The following ART3 variants were observed in gnomAD, a reference collection of about 807,000 sequenced individuals.
The protein encoded by ART3 is ADP-ribosyltransferase 3 (inactive), also known as ecto-ADP-ribosyltransferase 3.
ART3 carries 49 observed loss-of-function variants against 48.5 expected under a neutral mutation model. That is an observed-to-expected ratio of 1.01 (90% CI 0.80 to 1.28). The LOEUF (loss-of-function observed/expected upper bound fraction) is 1.28. Ranked by LOEUF, ART3 falls within the 50% of genes most tolerant of loss-of-function variation. ART3 has a pLI of 0.00. For missense variants in ART3, 438 were observed against 454.3 expected (o/e 0.96, Z 0.33); for synonymous variants, 145 against 157.2 (o/e 0.92, Z 0.58).
intron 1 of ART3, among the ~76,000 whole-genome samples, chr4:76,040,599 A>T (rs1277733799): frequency 1.3e-5 from 2 of 150,562 alleles, no homozygotes; most frequent in African/African-American, 4.9e-5. Context: ...GAGAAAAAAA[A>T]ATTCTTCCTT....
At chr4:76,072,135 G>T (rs921710018), upstream of ART3, among the ~76,000 whole-genome samples, 3 of 152,084 alleles carry the variant, frequency 2.0e-5, no homozygotes, top group Non-Finnish European at 4.4e-5. Context: ...CCCAGGCTAG[G>T]ACTCCTGGCT....
chr4:76,105,390 G>A (rs1468395347), intron 10 of ART3: 2 of 819,580 alleles, frequency 2.4e-6, no homozygotes, highest in Non-Finnish European at 3.2e-6. Context: ...TCTGTAAAAT[G>A]AGGAAAGCTT....
chr4:76,061,197 C>A (rs1719182291), intron 1 of ART3, among the ~76,000 whole-genome samples: 1 of 152,152 alleles, frequency 6.6e-6, no homozygotes, highest in Non-Finnish European at 1.5e-5. Flanking sequence ...CTGGCTGGAA[C>A]CTCAAACTCA....
intron 3 of ART3, among the ~76,000 whole-genome samples, chr4:76,089,414 T>C (rs1020279103): frequency 1.4e-4 from 21 of 152,186 alleles, no homozygotes; most frequent in African/African-American, 4.3e-4. Context: ...GCTGTTATCA[T>C]GATAGAGTTC....
chr4:76,084,248 A>G (rs111324943), intron 3 of ART3, among the ~76,000 whole-genome samples: 13 of 151,840 alleles, frequency 8.6e-5, no homozygotes, highest in South Asian at 6.2e-4. Flanking sequence ...GAGATCTCCT[A>G]TTTCTTGGAT....
intron 1 of ART3, among the ~76,000 whole-genome samples, chr4:76,031,146 CTCT>C (rs965479668): frequency 2.0e-5 from 3 of 152,064 alleles, no homozygotes; most frequent in African/African-American, 7.2e-5. Flanking sequence ...GTGAATTATT[CTCT>C]TCTTAACTTC....
At chr4:76,040,438 A>ACACACACACACGCG (rs1553926414) in intron 1 of ART3, among the ~76,000 whole-genome samples, 5 of 64,530 alleles carry the variant, frequency 7.7e-5, no homozygotes, top group Non-Finnish European at 1.5e-4. Context: ...TACACTGGAT[A>ACACACACACACGCG]CACACACACA....
At chr4:76,100,403 C>G in intron 6 of ART3, 83 bp downstream of exon 6, 2 of 1,376,232 alleles carry the variant, frequency 1.5e-6, no homozygotes, top group South Asian at 1.2e-5. Flanking sequence ...GAGGCCGAGG[C>G]GGGAGGATCA....
chr4:76,100,492 G>A (rs187467338), intron 6 of ART3, among the ~76,000 whole-genome samples, 172 bp downstream of exon 6: 4 of 152,168 alleles, frequency 2.6e-5, no homozygotes, highest in South Asian at 2.1e-4. Context: ...TTAGCTGGGC[G>A]TGGTGGCACA....
At chr4:76,078,232 C>G (rs771231497) in intron 2 of ART3, among the ~76,000 whole-genome samples, 3 of 151,986 alleles carry the variant, frequency 2.0e-5, no homozygotes, top group Non-Finnish European at 2.9e-5. Flanking sequence ...ACAAAATACA[C>G]AATCAGCTAT....
rs895024492 is a variant in ART3 at position 76,064,968 on chromosome 4, A to T, written c.-9-10913A>T. Among the ~76,000 whole-genome samples, 5 of 152,106 alleles carry T rather than the reference A, an allele frequency of 3.3e-5. No individual in the cohort carries two copies. The East Asian group carries it at 9.7e-4, about 29-fold the overall frequency. On this transcript the variant is annotated intron_variant, in intron 1 of 9. Transcript: ENST00000341029. ...TGCCTCAGCGTCCTGAGTAGCTGGG[A>T]TTACAGGCACCTGCCACCATGCCTG...
chr4:76,073,374 A>G (rs904796791), upstream of ART3, among the ~76,000 whole-genome samples: 3 of 152,172 alleles, frequency 2.0e-5, no homozygotes, highest in Admixed American at 6.5e-5. Context: ...TTTTCTTTCT[A>G]ACCAAACTCC....
chr4:76,055,837 G>T (rs994571681), intron 1 of ART3, among the ~76,000 whole-genome samples: 1 of 152,198 alleles, frequency 6.6e-6, no homozygotes. Flanking sequence ...TCCCCATTGT[G>T]ATTTGTAGCA....
chr4:76,095,656 T>A (rs1407573780), intron 3 of ART3, among the ~76,000 whole-genome samples: 3 of 152,230 alleles, frequency 2.0e-5, no homozygotes, highest in Non-Finnish European at 4.4e-5. Context: ...GCAATAATAG[T>A]CCTGGCTATG....
At chr4:76,079,176 TAAAAAAA>T (rs35036561) in intron 2 of ART3, among the ~76,000 whole-genome samples, 1 of 130,874 alleles carries the variant, frequency 7.6e-6, no homozygotes, top group African/African-American at 2.9e-5. Context: ...TCATCTTTGT[TAAAAAAA>T]AAAAAAAAAA....
At chr4:76,040,442 A>ACACACACACGCACG (rs778439284) in intron 1 of ART3, among the ~76,000 whole-genome samples, 4 of 115,572 alleles carry the variant, frequency 3.5e-5, no homozygotes, top group South Asian at 2.8e-4. Flanking sequence ...CTGGATACAC[A>ACACACACACGCACG]CACACACACA....
chr4:76,064,337 C>T (rs1041045894), intron 1 of ART3, among the ~76,000 whole-genome samples: 1 of 152,072 alleles, frequency 6.6e-6, no homozygotes, highest in Non-Finnish European at 1.5e-5. Context: ...GATCTAAATA[C>T]AAAAGAGACA....
intron 1 of ART3, chr4:76,022,750 C>G: frequency 1.2e-6 from 2 of 1,613,604 alleles, no homozygotes; most frequent in South Asian, 1.1e-5. Flanking sequence ...TTTCTAAAGA[C>G]CTTGGATTAA....
At chr4:76,098,697 T>C (rs1343581789) in intron 4 of ART3, among the ~76,000 whole-genome samples, 1 of 152,048 alleles carries the variant, frequency 6.6e-6, no homozygotes, top group Non-Finnish European at 1.5e-5. Flanking sequence ...GAGGCAGAGG[T>C]TGCAGTGAGC....
Sources: gnomAD v4.1 joint callset for allele counts (sites outside exome capture counted in the v4.1 genomes callset) on GRCh38, gnomAD v4.1.1 for gene constraint, MANE v1.5 for transcripts, NCBI Gene and HGNC (gene_info 2026-07-23, HGNC 2026-07-21) for gene names.